Variants in PTPRN2 observed in about 807,000 individuals in gnomAD.
PTPRN2 encodes protein tyrosine phosphatase receptor type N2, also known as receptor-type tyrosine-protein phosphatase N2.
A neutral mutation model predicts 118.8 loss-of-function variants in PTPRN2; 74 were observed. The observed-to-expected ratio is 0.62, with a 90% CI of 0.52 to 0.76. The LOEUF (loss-of-function observed/expected upper bound fraction) is 0.76, where lower values mean the gene tolerates loss of function less well. Ranked by LOEUF, PTPRN2 falls within the 30% of genes least tolerant of loss-of-function variation. The pLI is 0.00. For synonymous variants in PTPRN2, 641 were observed against 608.0 expected, an observed-to-expected ratio of 1.05 and a Z score of -0.80; for missense variants, 1,481 against 1,394.4, an observed-to-expected ratio of 1.06 and a Z score of -0.99.
In PTPRN2 at chr7:158,509,399, C is replaced by G. The variant is rs2129446922; in HGVS notation, c.113-19614G>C. 6.6e-6 allele frequency among the ~76,000 whole-genome samples: 1 copy of G among 152,310 alleles called. No homozygotes were observed. Among genetic ancestry groups the G allele is most frequent in the Admixed American group, 6.5e-5 (1 of 15,308 alleles). ...AGCGGGGCTGTCTCAGGCAGCACAT[C>G]TAAAGGCCTCTCCAAGCCATGCACC... On this transcript the variant is annotated intron_variant, in intron 1 of 22. Transcript: ENST00000389418. This position sits in a 1 kb window ranked among gnomAD's most constrained non-coding sequence, Gnocchi z 4.4.
chr7:158,011,872 T>C (rs1167135724), intron 11 of PTPRN2, among the ~76,000 whole-genome samples: 4 of 152,220 alleles, frequency 2.6e-5, no homozygotes, highest in African/African-American at 9.6e-5. Flanking sequence ...TAGTTGGTCA[T>C]AGATTGTTAT....
intron 14 of PTPRN2, among the ~76,000 whole-genome samples, chr7:157,645,748 G>A (rs1244682750): frequency 6.6e-6 from 1 of 152,212 alleles, no homozygotes; most frequent in African/African-American, 2.4e-5. Flanking sequence ...GCCCTGGGGA[G>A]GGGGCTGGGC....
rs1802727247 is a variant in PTPRN2, at chr7:157,615,708, G to T, written c.2344+5654C>A. ...ACGAGCAGATGGTGCCGAGCTGAGA[G>T]GGAGGTGACGCAGTGACTCAGGAAC... On this transcript the variant is annotated intron_variant, in intron 15 of 22. Transcript: ENST00000389418. This position sits in a 1 kb window ranked among gnomAD's most constrained non-coding sequence, Gnocchi z 4.3. 2.3e-6 allele frequency: 1 copy of T among 426,818 alleles called. No individual in the cohort carries two copies. The allele number at this position is 426,818 out of a possible 1,614,324, so 26.4% of individuals were successfully genotyped here.
Position 158,271,202 on chromosome 7 carries a change from G to A in PTPRN2, c.277+45617C>T, listed in dbSNP as rs114822933. 6.8e-4 allele frequency among the ~76,000 whole-genome samples: 104 copies of A among 152,070 alleles called. 1 individual carries two copies. Among genetic ancestry groups the A allele is most frequent in the African/African-American group, 2.2e-3 (92 of 41,432 alleles). ...CTAGTGGGTGGCCAGGAGAGGTCAC[G>A]TGCTGCTTCTCTTGTGTTGTGAATG... On this transcript the variant is annotated intron_variant, in intron 3 of 22. Coordinates refer to ENST00000389418, the MANE Select transcript of PTPRN2 (RefSeq NM_002847.5).
intron 9 of PTPRN2, among the ~76,000 whole-genome samples, chr7:158,112,161 G>A (rs951733633): frequency 6.6e-6 from 1 of 152,138 alleles, no homozygotes; most frequent in Non-Finnish European, 1.5e-5. Context: ...TTGGAAGTGT[G>A]CGCCAGCAGC....
At chr7:158,441,779 G>A (rs1439970791) in intron 2 of PTPRN2, among the ~76,000 whole-genome samples, 47 of 55,154 alleles carry the variant, frequency 8.5e-4, no homozygotes, top group African/African-American at 2.9e-3. Context: ...GGCAGTGGTG[G>A]TGATGGTGAT....
intron 11 of PTPRN2, among the ~76,000 whole-genome samples, chr7:158,061,238 T>G (rs369955667): frequency 6.6e-6 from 1 of 152,136 alleles, no homozygotes; most frequent in Non-Finnish European, 1.5e-5. Context: ...GCTCAGAGAG[T>G]GCGCGTCCCG....
At chr7:158,149,119 A>C (rs1820595942) in intron 6 of PTPRN2, among the ~76,000 whole-genome samples, 1 of 150,192 alleles carries the variant, frequency 6.7e-6, no homozygotes, top group Admixed American at 6.7e-5. Context: ...TTTCCCCCTC[A>C]ATGACACCCC....
chr7:157,817,352 AC>A (rs921954384), intron 12 of PTPRN2, among the ~76,000 whole-genome samples: 6 of 151,868 alleles, frequency 4.0e-5, no homozygotes, highest in Non-Finnish European at 7.4e-5. Flanking sequence ...ACCATGACAA[AC>A]CCCCCTTTTG....
At chr7:157,688,605 C>T (rs1448690390) in intron 12 of PTPRN2, among the ~76,000 whole-genome samples, 1 of 152,238 alleles carries the variant, frequency 6.6e-6, no homozygotes, top group Non-Finnish European at 1.5e-5. Context: ...GCGCCTTCCA[C>T]ACCAGGTGCT....
chr7:157,689,203 C>T (rs1273535927), intron 12 of PTPRN2, among the ~76,000 whole-genome samples: 5 of 152,240 alleles, frequency 3.3e-5, no homozygotes, highest in Non-Finnish European at 7.3e-5. Context: ...CTCCCTCCTC[C>T]GCACAAACCT....
chr7:158,505,874 A>G (rs1056231874), intron 1 of PTPRN2, among the ~76,000 whole-genome samples: 6 of 152,216 alleles, frequency 3.9e-5, no homozygotes, highest in Non-Finnish European at 8.8e-5. Flanking sequence ...TGCCATAAGC[A>G]GGCATCCAGT....
chr7:158,011,275 A>C (rs1157325710), intron 11 of PTPRN2, among the ~76,000 whole-genome samples: 2 of 152,264 alleles, frequency 1.3e-5, no homozygotes, highest in African/African-American at 2.4e-5. Context: ...GGAAATTTAC[A>C]AAAGAGCATG....
chr7:157,734,249 CTCTTCCGTCCCATGTGCCCAGTGCAG>C (rs765495250), intron 12 of PTPRN2, among the ~76,000 whole-genome samples: 30,543 of 128,440 alleles, frequency 0.24, 4,929 homozygotes, highest in Non-Finnish European at 0.31. Context: ...TCCCAGCACA[CTCTTCCGTCCCATGTGCCCAGTGCAG>C]TCTTCCGTCC....
intron 4 of PTPRN2, among the ~76,000 whole-genome samples, chr7:158,204,695 C>T (rs1341280022): frequency 6.6e-6 from 1 of 152,102 alleles, no homozygotes; most frequent in Non-Finnish European, 1.5e-5. Flanking sequence ...GTATGTATGA[C>T]ATTACCACAT....
chr7:158,411,021 C>A (rs1172649777), intron 2 of PTPRN2, among the ~76,000 whole-genome samples: 1 of 151,492 alleles, frequency 6.6e-6, no homozygotes, highest in Non-Finnish European at 1.5e-5. Context: ...TGTCAGGCCA[C>A]AGAGATCCGG....
At position 157,881,591 on chromosome 7, in the gene PTPRN2, A is replaced by G. The variant is rs1015307501; in HGVS notation, c.1788+17082T>C. On this transcript the variant is annotated intron_variant, in intron 12 of 22. Transcript: ENST00000389418. This position sits in a 1 kb window ranked among gnomAD's most constrained non-coding sequence, Gnocchi z 4.7. ...GCAACACCCCCTCAGTACACCCTAG[A>G]CATCTGAGGCCAAGCCCCTGTGACT... 2.6e-5 allele frequency among the ~76,000 whole-genome samples: 4 copies of G among 152,126 alleles called. No individual in the cohort carries two copies. Among genetic ancestry groups the G allele is most frequent in the Non-Finnish European group, 4.4e-5 (3 of 68,030 alleles).
At chr7:157,844,077 G>A (rs567829054) in intron 12 of PTPRN2, among the ~76,000 whole-genome samples, 165 of 151,064 alleles carry the variant, frequency 1.1e-3, no homozygotes, top group African/African-American at 3.9e-3. Context: ...GCCCCTCCAC[G>A]TCGTGGATGT....
intron 11 of PTPRN2, among the ~76,000 whole-genome samples, chr7:158,044,399 C>T (rs568790613): frequency 3.3e-5 from 5 of 152,290 alleles, no homozygotes; most frequent in African/African-American, 1.2e-4. Flanking sequence ...ACATCCTGCA[C>T]CTGCATAGGA....
Sources: gnomAD v4.1 joint callset for allele counts (sites outside exome capture counted in the v4.1 genomes callset) on GRCh38, gnomAD v4.1.1 for gene constraint, Gnocchi (gnomAD v3.1) non-coding constraint, MANE v1.5 for transcripts, NCBI Gene and HGNC (gene_info 2026-07-23, HGNC 2026-07-21) for gene names.